Variants in CCL26 observed in about 807,000 individuals in gnomAD.
CCL26 encodes C-C motif chemokine 26.
A neutral mutation model predicts 10.7 loss-of-function variants in CCL26; 10 were observed. The ratio of observed to expected loss-of-function variants is 0.93; its 90% confidence interval spans 0.57 to 1.58. The LOEUF is 1.58. Among genes scored for constraint, CCL26 ranks in the 40% most tolerant of loss-of-function variants. CCL26 has a pLI of 0.00. For synonymous variants in CCL26, 43 were observed against 41.4 expected, an observed-to-expected ratio of 1.04 and a Z score of -0.15; for missense variants, 116 against 111.0, an observed-to-expected ratio of 1.05 and a Z score of -0.20.
chr7:75,770,252 T>G (rs1269570870), intron 2 of CCL26, among the ~76,000 whole-genome samples: 6 of 151,814 alleles, frequency 4.0e-5, no homozygotes, highest in Non-Finnish European at 7.4e-5. Flanking sequence ...GTGTTTTTAA[T>G]AGAGACAAGG....
At chr7:75,790,200 T>TTTCTTTCTTTCTTTCC, upstream of CCL26, among the ~76,000 whole-genome samples, 1 of 107,028 alleles carries the variant, frequency 9.3e-6, no homozygotes, top group South Asian at 3.8e-4. Flanking sequence ...TCTTTCTTTC[T>TTTCTTTCTTTCTTTCC]TTCTTTCTTT....
upstream of CCL26, chr7:75,789,979 C>T (rs1351517646): frequency 4.0e-5 from 6 of 151,284 alleles, no homozygotes; most frequent in Admixed American, 2.0e-4. Context: ...CACAGATTGC[C>T]TTTCTACGTC....
Position 75,769,797 on chromosome 7 carries a change from A to G in CCL26, c.189-8T>C. ...CCTCTTTTGGTAGTGAATCTGTGAA[A>G]AAGAGACACGGATAAGTCAATATTG... On this transcript the variant is annotated splice_polypyrimidine_tract_variant and splice_region_variant and intron_variant, in intron 2 of 2. Transcript: ENST00000005180. The G allele has an allele frequency of 6.4e-7, 1 of 1,554,044 alleles. No individual in the cohort carries two copies. The highest frequency in any genetic ancestry group is 8.9e-7 in the Non-Finnish European group (1 of 1,125,268).
Position 75,782,669 on chromosome 7 carries a change from G to A in CCL26, c.-79+7048C>T, listed in dbSNP as rs1472903999. Among the ~76,000 whole-genome samples, 4 of 152,182 alleles carry A rather than the reference G, an allele frequency of 2.6e-5. No individual in the cohort carries two copies. In the East Asian group the frequency reaches 7.7e-4, roughly 29 times the overall value. On this transcript the variant is annotated intron_variant, in intron 1 of 3. Transcript: ENST00000394905. ...AATACAAACTCGACACTAGCTCCAA[G>A]TGGCCAGAGAATGGCACCTTCCATT... is the stretch of plus-strand genomic sequence containing the variant.
upstream of CCL26, among the ~76,000 whole-genome samples, chr7:75,774,902 C>T (rs192579193): frequency 5.3e-5 from 8 of 150,068 alleles, no homozygotes; most frequent in Middle Eastern, 3.5e-3. Flanking sequence ...CCTAGGTGAC[C>T]GAGCAAGACT....
upstream of CCL26, among the ~76,000 whole-genome samples, chr7:75,776,730 C>T (rs1399969994): frequency 6.6e-6 from 1 of 152,138 alleles, no homozygotes; most frequent in African/African-American, 2.4e-5. Context: ...GAAATACACA[C>T]TTAAACCGCA....
At chr7:75,783,104 TG>T (rs1803102414) in intron 1 of CCL26, among the ~76,000 whole-genome samples, 1 of 152,198 alleles carries the variant, frequency 6.6e-6, no homozygotes, top group African/African-American at 2.4e-5. Flanking sequence ...TGGTTGGAGC[TG>T]AAGACATAGT....
upstream of CCL26, among the ~76,000 whole-genome samples, chr7:75,776,738 G>T (rs114770717): frequency 6.6e-6 from 1 of 152,028 alleles, no homozygotes; most frequent in African/African-American, 2.4e-5. Context: ...CACTTAAACC[G>T]CAGTGTGCCA....
chr7:75,786,730 C>T (rs1554530043), intron 1 of CCL26, among the ~76,000 whole-genome samples: 1 of 152,286 alleles, frequency 6.6e-6, no homozygotes, highest in East Asian at 1.9e-4. Flanking sequence ...TCACTCCCAC[C>T]TACTCTCCCA....
chr7:75,791,022 T>C (rs1247513541), upstream of CCL26, among the ~76,000 whole-genome samples: 3 of 151,440 alleles, frequency 2.0e-5, no homozygotes, highest in African/African-American at 4.9e-5. Context: ...CCTTTTTTTT[T>C]TTTTTTTCTT....
intron 1 of CCL26, among the ~76,000 whole-genome samples, chr7:75,786,214 A>T (rs781838684): frequency 2.6e-5 from 4 of 152,148 alleles, no homozygotes; most frequent in Non-Finnish European, 5.9e-5. Context: ...TCTCTGATCC[A>T]GCTGACATTC....
upstream of CCL26, chr7:75,772,227 G>T: frequency 7.3e-7 from 1 of 1,372,948 alleles, no homozygotes; most frequent in Non-Finnish European, 1.0e-6. Context: ...CCTCCTGCCT[G>T]ATCCCCTTTT....
chr7:75,783,020 C>A (rs1464303189), intron 1 of CCL26, among the ~76,000 whole-genome samples: 2 of 152,176 alleles, frequency 1.3e-5, no homozygotes, highest in African/African-American at 4.8e-5. Context: ...CCCCTCCTCA[C>A]ACCCGGTCTG....
At chr7:75,788,215 C>T (rs1419759312) in intron 1 of CCL26, among the ~76,000 whole-genome samples, 5 of 152,148 alleles carry the variant, frequency 3.3e-5, no homozygotes, top group African/African-American at 4.8e-5. Flanking sequence ...GTGACCTGCA[C>T]GTATACATCC....
At chr7:75,770,069 ATTTTT>A (rs10540427) in intron 2 of CCL26, among the ~76,000 whole-genome samples, 40,794 of 144,410 alleles carry the variant, frequency 0.28, 5,820 homozygotes, top group African/African-American at 0.37. Flanking sequence ...AGGACACTTA[ATTTTT>A]TTTTTTTTTT....
At chr7:75,772,668 AC>A (rs1475241553), upstream of CCL26, among the ~76,000 whole-genome samples, 3 of 149,680 alleles carry the variant, frequency 2.0e-5, no homozygotes, top group Non-Finnish European at 3.0e-5. Flanking sequence ...AAAAAAAAAA[AC>A]AAACAAACAA....
chr7:75,775,626 A>C (rs1352540935), upstream of CCL26, among the ~76,000 whole-genome samples: 1 of 152,092 alleles, frequency 6.6e-6, no homozygotes, highest in Admixed American at 6.6e-5. Context: ...TCACTGGTTG[A>C]GGGCTGCACC....
intron 1 of CCL26, among the ~76,000 whole-genome samples, chr7:75,787,025 G>A (rs562205570): frequency 6.6e-6 from 1 of 152,214 alleles, no homozygotes; most frequent in East Asian, 1.9e-4. Context: ...TGGGGGATTT[G>A]CCCCCGCCCA....
At chr7:75,787,319 G>A (rs1237595393) in intron 1 of CCL26, among the ~76,000 whole-genome samples, 10 of 152,032 alleles carry the variant, frequency 6.6e-5, no homozygotes, top group Admixed American at 6.6e-4. Flanking sequence ...CAATCTTCAG[G>A]AAAGGTAAAA....
Sources: allele counts gnomAD v4.1 joint callset (sites outside exome capture counted in the v4.1 genomes callset), GRCh38; gene constraint gnomAD v4.1.1; transcripts MANE v1.5; gene names NCBI Gene and HGNC (gene_info 2026-07-23, HGNC 2026-07-21).